PREX1: variants seen among roughly 807,000 people sequenced by gnomAD.
PREX1 encodes the protein phosphatidylinositol 3,4,5-trisphosphate-dependent Rac exchanger 1 protein.
Under a neutral mutation model 198.3 loss-of-function variants are expected in PREX1, and 41 were observed. The ratio of observed to expected loss-of-function variants is 0.21; its 90% CI spans 0.16 to 0.27. The LOEUF (loss-of-function observed/expected upper bound fraction) is 0.27, where lower values mean the gene tolerates loss of function less well. Among genes scored for constraint, PREX1 ranks in the 10% least tolerant of loss-of-function variants. The pLI is 1.00. For synonymous variants in PREX1, 843 were observed against 887.2 expected, an observed-to-expected ratio of 0.95 and a Z score of 0.89; for missense variants, 1,620 against 2,200.7, an observed-to-expected ratio of 0.74 and a Z score of 5.28.
At chr20:48,856,967 G>A in the PREX1 span, among the ~76,000 whole-genome samples, 2 of 152,198 alleles carry the variant, frequency 1.3e-5, no homozygotes, top group Admixed American at 6.5e-5. Flanking sequence ...AGCCTCCCGA[G>A]TAGCTGGGAT....
chr20:48,711,417 T>C (rs2089930212), intron 5 of PREX1, among the ~76,000 whole-genome samples: 1 of 152,092 alleles, frequency 6.6e-6, no homozygotes. Context: ...TCTGGACCTT[T>C]GTGAGGCCAG....
chr20:48,679,278 C>A lies in PREX1; in HGVS notation c.1589+82G>T. The A allele has an allele frequency of 4.0e-6, 5 of 1,239,992 alleles. No homozygotes were observed. In the South Asian group the frequency reaches 6.3e-5, roughly 16 times the overall value. The allele number at this position is 1,239,992 out of a possible 1,614,324, so 76.8% of individuals were successfully genotyped here. A position where few individuals can be genotyped will look rare whatever the true frequency, so the allele number is the denominator to read the frequency against. Reference sequence around the variant, plus strand: ...TTTAATGGAGAAGGAGACTGGAGCTCAGAGAGGTTAAGTTGCCAGCCCAAG... The same window carrying A: ...TTTAATGGAGAAGGAGACTGGAGCTAAGAGAGGTTAAGTTGCCAGCCCAAG... On this transcript the variant is annotated intron_variant, in intron 13 of 39. Transcript: ENST00000371941.
At chr20:48,795,309 T>C (rs1168057690) in intron 1 of PREX1, among the ~76,000 whole-genome samples, 1 of 152,088 alleles carries the variant, frequency 6.6e-6, no homozygotes, top group Non-Finnish European at 1.5e-5. Context: ...GGGAATACAA[T>C]GATGATGACC....
chr20:48,842,519 GTA>G, the PREX1 span, among the ~76,000 whole-genome samples: 2 of 151,606 alleles, frequency 1.3e-5, no homozygotes, highest in Non-Finnish European at 2.9e-5. Flanking sequence ...TTCCACGTGG[GTA>G]TATTCTCTCT....
intron 10 of PREX1, among the ~76,000 whole-genome samples, chr20:48,681,736 C>A (rs1366770447): frequency 1.3e-5 from 2 of 148,316 alleles, no homozygotes; most frequent in East Asian, 1.9e-4. Context: ...AGACAGACAG[C>A]CAGCAGCACA....
At chr20:48,833,257 A>C in the PREX1 span, among the ~76,000 whole-genome samples, 1 of 152,108 alleles carries the variant, frequency 6.6e-6, no homozygotes, top group Non-Finnish European at 1.5e-5. Flanking sequence ...TGAGACCCTG[A>C]GATAGGACAC....
At chr20:48,655,478 G>C (rs1467200357) in intron 18 of PREX1, 103 bp from the exon 19 acceptor site, 6 of 1,042,630 alleles carry the variant, frequency 5.8e-6, no homozygotes, top group Non-Finnish European at 8.1e-6. Context: ...TGGAAACACT[G>C]GGAAAATTCA....
At chr20:48,870,941 A>C in the PREX1 span, among the ~76,000 whole-genome samples, 1 of 5,456 alleles carries the variant, frequency 1.8e-4, no homozygotes, top group Non-Finnish European at 3.9e-4. Flanking sequence ...ACAGAGTGAG[A>C]CTCCATCTCA....
chr20:48,691,005 C>G lies in PREX1; in HGVS notation c.1128G>C (p.Thr376=), dbSNP rs141690733. Residue 376 remains threonine, a synonymous_variant, in exon 9 of 40, where the codon ACG becomes ACC. Coordinates refer to ENST00000371941, the MANE Select transcript of PREX1 (RefSeq NM_020820.4). The surrounding 1 kb of genome is among the most constrained non-coding windows in gnomAD (Gnocchi z 5.0). ...CCAGCCACTTCTGCTTCTCCTCTGCCGTCTTGGCCATGCAGACAAACCACT... is the reference window on the plus strand; with the variant it reads ...CCAGCCACTTCTGCTTCTCCTCTGCGGTCTTGGCCATGCAGACAAACCACT... The part of the protein sequence containing the change: ...KNKWFVCMAK[T]AEEKQKWLDA... 2,968 of 1,614,248 alleles carry G rather than the reference C, an allele frequency of 1.8e-3. 7 individuals carry two copies. The highest frequency in any genetic ancestry group is 2.4e-3 in the Non-Finnish European group (2,852 of 1,180,054).
In PREX1 at chr20:48,642,343, G is replaced by T. The variant is rs534208427; in HGVS notation, c.3684+64C>A. ...CTGGGACCCACAGCCCCCGGGTCATGGGCCCTCCCCAGGTGTGACAGGAGG... is the reference window on the plus strand; with the variant it reads ...CTGGGACCCACAGCCCCCGGGTCATTGGCCCTCCCCAGGTGTGACAGGAGG... On this transcript the variant is annotated intron_variant, in intron 28 of 39. Transcript: ENST00000371941. 3.1e-5 allele frequency: 50 copies of T among 1,604,242 alleles called. No homozygotes were observed. In the South Asian group the frequency reaches 5.0e-4, roughly 16 times the overall value.
intron 1 of PREX1, among the ~76,000 whole-genome samples, chr20:48,824,869 C>G (rs2090501887): frequency 6.6e-6 from 1 of 152,116 alleles, no homozygotes; most frequent in Non-Finnish European, 1.5e-5. Flanking sequence ...CCACGGTTTC[C>G]ATGGGCCGAT....
intron 1 of PREX1, among the ~76,000 whole-genome samples, chr20:48,811,542 G>C (rs537913538): frequency 4.1e-5 from 6 of 147,438 alleles, no homozygotes; most frequent in Non-Finnish European, 9.0e-5. Context: ...ACACACACAC[G>C]TGTGCATGCA....
At chr20:48,741,198 G>C (rs759241640) in intron 3 of PREX1, among the ~76,000 whole-genome samples, 16 of 152,192 alleles carry the variant, frequency 1.1e-4, no homozygotes, top group Non-Finnish European at 2.2e-4. Flanking sequence ...CTTAGCGTGT[G>C]AGCTGAACTG....
At chr20:48,726,579 C>G (rs562583960) in intron 4 of PREX1, among the ~76,000 whole-genome samples, 188 bp from the exon 5 acceptor site, 4 of 152,344 alleles carry the variant, frequency 2.6e-5, no homozygotes, top group African/African-American at 9.6e-5. Context: ...ATCTTGCCTA[C>G]TCCCCATTTT....
chr20:48,694,940 G>C (rs948798158), intron 7 of PREX1, among the ~76,000 whole-genome samples: 1 of 151,492 alleles, frequency 6.6e-6, no homozygotes, highest in Non-Finnish European at 1.5e-5. Flanking sequence ...AAAGGATGAG[G>C]GTGTGTATGT....
chr20:48,784,216 G>T (rs1201575400), intron 1 of PREX1, among the ~76,000 whole-genome samples: 1 of 152,136 alleles, frequency 6.6e-6, no homozygotes, highest in Admixed American at 6.5e-5. Flanking sequence ...CAGGGGTTTT[G>T]CAAAATGACT....
the PREX1 span, among the ~76,000 whole-genome samples, chr20:48,850,463 C>T: frequency 1.3e-5 from 2 of 152,136 alleles, no homozygotes; most frequent in East Asian, 3.9e-4. Flanking sequence ...TTGGGAGAAA[C>T]GCTGGGGCAG....
chr20:48,833,649 C>T, the PREX1 span, among the ~76,000 whole-genome samples: 2 of 152,060 alleles, frequency 1.3e-5, no homozygotes, highest in South Asian at 2.1e-4. Flanking sequence ...ACCATGTTGG[C>T]CAGGCTGGTC....
At chr20:48,657,477 C>T (rs148764956) in intron 17 of PREX1, among the ~76,000 whole-genome samples, 44 of 152,306 alleles carry the variant, frequency 2.9e-4, no homozygotes, top group African/African-American at 1.0e-3. Context: ...AGGGTCACAC[C>T]GGGGTGGCCA....
Sources: allele counts gnomAD v4.1 joint callset (sites outside exome capture counted in the v4.1 genomes callset), GRCh38; gene constraint gnomAD v4.1.1; non-coding constraint Gnocchi (gnomAD v3.1); transcripts MANE v1.5; gene names NCBI Gene and HGNC (gene_info 2026-07-23, HGNC 2026-07-21).